Variants in SWT1 observed in about 807,000 individuals in gnomAD.
The protein encoded by SWT1 is SWT1 RNA endoribonuclease homolog, also known as transcriptional protein SWT1.
In SWT1, 33 loss-of-function variants were observed where a neutral mutation model predicts 107.3. The ratio of observed to expected loss-of-function variants is 0.31; its 90% confidence interval spans 0.23 to 0.41. The LOEUF is 0.41. Among genes scored for constraint, SWT1 ranks in the 10% least tolerant of loss-of-function variants. The pLI is 1.00. For synonymous variants in SWT1, 345 were observed against 348.3 expected (o/e 0.99, Z 0.11); for missense variants, 898 against 1,028.9 (o/e 0.87, Z 1.74).
intron 16 of SWT1, among the ~76,000 whole-genome samples, chr1:185,235,186 AAG>A (rs1371048334): frequency 1.3e-5 from 2 of 152,356 alleles, no homozygotes; most frequent in Admixed American, 1.3e-4. Context: ...ACAATAGAAA[AAG>A]AGGGAATCCT....
chr1:185,174,797 C>G lies in SWT1; in HGVS notation c.650C>G (p.Ser217Cys). 2 of 1,612,000 alleles carry G rather than the reference C, an allele frequency of 1.2e-6. No homozygotes were observed. Among genetic ancestry groups the G allele is most frequent in the South Asian group, 2.2e-5 (2 of 90,402 alleles). The change falls in exon 5 of 19, where the codon TCC becomes TGC. Residue 217 changes from serine (S) to cysteine (C), a missense_variant. By Grantham distance (112) the Ser-to-Cys change is moderately radical. This residue lies in a region of SWT1 where 382 missense variants were observed against 362.4 expected (regional missense o/e 1.05). Coordinates refer to ENST00000367500, the MANE Select transcript of SWT1 (RefSeq NM_017673.7). Reference sequence around the variant, plus strand: ...AATCAATTTTCTCAGGATTATAACTCCAACAAGATAATTAAGGAACCCTTG... The same window carrying G: ...AATCAATTTTCTCAGGATTATAACTGCAACAAGATAATTAAGGAACCCTTG... Reference protein sequence around the residue: ...KRNQFSQDYNSNKIIKEPLGS... With the variant: ...KRNQFSQDYNCNKIIKEPLGS...
chr1:185,282,842 G>C (rs1371354714), intron 18 of SWT1, among the ~76,000 whole-genome samples: 2 of 152,092 alleles, frequency 1.3e-5, no homozygotes, highest in Admixed American at 6.6e-5. Flanking sequence ...GAATTGTTGA[G>C]TGGAGTATAT....
chr1:185,249,907 T>C (rs1221678545), intron 16 of SWT1, among the ~76,000 whole-genome samples: 1 of 152,176 alleles, frequency 6.6e-6, no homozygotes, highest in African/African-American at 2.4e-5. Flanking sequence ...CTGTAAAAGG[T>C]AGGGATTCTA....
chr1:185,248,775 C>CAAAAAAAA (rs371891305), intron 16 of SWT1, among the ~76,000 whole-genome samples: 1 of 117,842 alleles, frequency 8.5e-6, no homozygotes, highest in Non-Finnish European at 1.9e-5. Context: ...ACGACTAAGC[C>CAAAAAAAA]AAAAAAAAAA....
chr1:185,179,222 T>C (rs1384183946), intron 5 of SWT1, among the ~76,000 whole-genome samples: 3 of 152,128 alleles, frequency 2.0e-5, no homozygotes, highest in African/African-American at 7.2e-5. Flanking sequence ...TGACCTGAGA[T>C]CATGCCACTA....
At chr1:185,250,675 T>G (rs1661945418) in intron 16 of SWT1, among the ~76,000 whole-genome samples, 1 of 152,190 alleles carries the variant, frequency 6.6e-6, no homozygotes, top group Admixed American at 6.5e-5. Context: ...TTTAATTTTA[T>G]TTTTTGAGAT....
chr1:185,174,501 T>C lies in SWT1; in HGVS notation c.354T>C (p.Asn118=), dbSNP rs1428238556. 1.9e-6 allele frequency: 3 copies of C among 1,610,690 alleles called. No homozygotes were observed. The highest frequency in any genetic ancestry group is 2.5e-6 in the Non-Finnish European group (3 of 1,179,016). ...NQIILQSPSS[N]GTKKDIHKCV... ...TTATTTTGCAGAGTCCTTCTTCAAA[T>C]GGAACTAAAAAAGACATACATAAAT... Residue 118 remains asparagine, a synonymous_variant, in exon 5 of 19, where the codon AAT becomes AAC. Coordinates refer to ENST00000367500, the MANE Select transcript of SWT1 (RefSeq NM_017673.7).
chr1:185,212,378 G>A (rs1169768954), intron 13 of SWT1, among the ~76,000 whole-genome samples: 8 of 152,032 alleles, frequency 5.3e-5, no homozygotes, highest in African/African-American at 1.9e-4. Context: ...TTCCTGGCAG[G>A]GGGGTCTGCT....
chr1:185,240,872 C>T (rs745736873), intron 16 of SWT1, among the ~76,000 whole-genome samples: 22 of 151,966 alleles, frequency 1.4e-4, no homozygotes, highest in African/African-American at 5.3e-4. Context: ...AATCTCCTAC[C>T]CCATTTTAAC....
At chr1:185,278,493 A>C (rs1664399732) in intron 18 of SWT1, among the ~76,000 whole-genome samples, 1 of 152,174 alleles carries the variant, frequency 6.6e-6, no homozygotes. Context: ...GGACAGTCTA[A>C]GATGTCCCTC....
At chr1:185,265,738 T>G (rs577503326) in intron 16 of SWT1, among the ~76,000 whole-genome samples, 1 of 152,318 alleles carries the variant, frequency 6.6e-6, no homozygotes, top group African/African-American at 2.4e-5. Context: ...ATTTATTCAG[T>G]CCCTTGTATT....
At chr1:185,252,304 G>C (rs1230185305) in intron 16 of SWT1, among the ~76,000 whole-genome samples, 1 of 151,978 alleles carries the variant, frequency 6.6e-6, no homozygotes, top group Non-Finnish European at 1.5e-5. Flanking sequence ...CCCAGTAATG[G>C]GATGGCTGGG....
intron 16 of SWT1, among the ~76,000 whole-genome samples, chr1:185,241,405 A>G (rs1436435079): frequency 6.6e-6 from 1 of 152,152 alleles, no homozygotes; most frequent in African/African-American, 2.4e-5. Context: ...ACAGCTCCTC[A>G]GATATCACTT....
intron 16 of SWT1, among the ~76,000 whole-genome samples, chr1:185,248,373 T>C (rs1238508656): frequency 6.6e-6 from 1 of 152,234 alleles, no homozygotes; most frequent in Admixed American, 6.5e-5. Flanking sequence ...AGTTGCAGGA[T>C]ACGATTTTAT....
chr1:185,291,720 A>T lies in SWT1; in HGVS notation c.*917A>T, dbSNP rs1345352955. ...GCTTTTTACTTCCAAATTGTTTCTG[A>T]TATGTACATAAGGTATGATTATAAA... On this transcript the variant is annotated 3_prime_UTR_variant, in exon 19 of 19. Coordinates refer to ENST00000367500, the MANE Select transcript of SWT1 (RefSeq NM_017673.7). The T allele has an allele frequency of 3.3e-5, 5 of 152,622 alleles. No homozygotes were observed. The highest frequency in any genetic ancestry group is 6.5e-5 in the Admixed American group (1 of 15,280). 9.5% of individuals were successfully genotyped at this position (152,622 alleles called of 1,614,324 possible).
At chr1:185,273,478 G>A (rs548167855) in intron 17 of SWT1, among the ~76,000 whole-genome samples, 8 of 151,856 alleles carry the variant, frequency 5.3e-5, no homozygotes, top group South Asian at 2.1e-4. Context: ...TGAGGCAGGC[G>A]GATCATGAGG....
intron 14 of SWT1, among the ~76,000 whole-genome samples, chr1:185,219,885 C>T (rs1196946646): frequency 2.0e-5 from 3 of 151,914 alleles, no homozygotes; most frequent in Non-Finnish European, 2.9e-5. Flanking sequence ...CCTGTAATCC[C>T]AGCACTTTGG....
chr1:185,174,824 G>C lies in SWT1; in HGVS notation c.677G>C (p.Gly226Ala). ...NSNKIIKEPL[G>A]SRRQKISFKI... ...AACAAGATAATTAAGGAACCCTTGGGATCTAGAAGACAGAAGATCAGTTTC... is the reference window on the plus strand; with the variant it reads ...AACAAGATAATTAAGGAACCCTTGGCATCTAGAAGACAGAAGATCAGTTTC... Residue 226 changes from glycine to alanine, a missense_variant, in exon 5 of 19, where the codon GGA becomes GCA. Gly to Ala is a moderately conservative substitution (Grantham distance 60, BLOSUM62 0). This residue lies in a region of SWT1 where 382 missense variants were observed against 362.4 expected (regional missense o/e 1.05). Coordinates refer to ENST00000367500, the MANE Select transcript of SWT1 (RefSeq NM_017673.7). 6.2e-7 allele frequency: 1 copy of C among 1,613,934 alleles called. No individual in the cohort carries two copies. Among genetic ancestry groups the C allele is most frequent in the Non-Finnish European group, 8.5e-7 (1 of 1,179,970 alleles).
At chr1:185,209,975 T>A (rs2102481453) in intron 13 of SWT1, among the ~76,000 whole-genome samples, 1 of 152,300 alleles carries the variant, frequency 6.6e-6, no homozygotes. Context: ...CTAATGACCA[T>A]TGATGATGAG....
Sources: gnomAD v4.1 joint callset for allele counts (sites outside exome capture counted in the v4.1 genomes callset) on GRCh38, gnomAD v4.1.1 for gene constraint, gnomAD v4.1.1 regional missense constraint, MANE v1.5 for transcripts, NCBI Gene and HGNC (gene_info 2026-07-23, HGNC 2026-07-21) for gene names.